SLC6A16: variants seen among roughly 807,000 people sequenced by gnomAD.
The protein encoded by SLC6A16 is orphan sodium- and chloride-dependent neurotransmitter transporter NTT5.
In SLC6A16, 54 loss-of-function variants were observed where a neutral mutation model predicts 65.4. That is an observed-to-expected ratio of 0.83 (90% confidence interval 0.66 to 1.04). The LOEUF is 1.04. SLC6A16 is among the 50% of genes least tolerant of loss of function. SLC6A16 has a pLI of 0.00. For synonymous variants in SLC6A16, 330 were observed against 346.5 expected, an observed-to-expected ratio of 0.95 and a Z score of 0.53; for missense variants, 816 against 914.0, an observed-to-expected ratio of 0.89 and a Z score of 1.38.
At chr19:49,332,024 C>A in the SLC6A16 span, 1 of 450,916 alleles carries the variant, frequency 2.2e-6, no homozygotes. Flanking sequence ...CACAGACTTA[C>A]TACTTAGAAC....
chr19:49,318,414 A>G (rs1329453244), intron 1 of SLC6A16, among the ~76,000 whole-genome samples: 1 of 152,214 alleles, frequency 6.6e-6, no homozygotes, highest in African/African-American at 2.4e-5. Context: ...TCTTCAAGTA[A>G]CTTAACTGCC....
chr19:49,310,213 A>C (rs1970488759), intron 3 of SLC6A16, 47 bp from the exon 4 acceptor site: 1 of 1,611,820 alleles, frequency 6.2e-7, no homozygotes, highest in Non-Finnish European at 8.5e-7. Flanking sequence ...CAGGGACAGG[A>C]AAAGGGAGGG....
upstream of SLC6A16, among the ~76,000 whole-genome samples, chr19:49,330,116 A>G (rs60470177): frequency 0.073 from 11,152 of 151,916 alleles, 1,372 homozygotes; most frequent in African/African-American, 0.25. Flanking sequence ...AGACCTCAAA[A>G]AAAAAAAAAA....
At chr19:49,306,326 G>A (rs1270537159) in intron 7 of SLC6A16, among the ~76,000 whole-genome samples, 1 of 151,576 alleles carries the variant, frequency 6.6e-6, no homozygotes, top group Non-Finnish European at 1.5e-5. Context: ...AAAGAGCACA[G>A]ATTAAAGTTA....
upstream of SLC6A16, among the ~76,000 whole-genome samples, chr19:49,328,649 G>A (rs981105877): frequency 1.8e-4 from 27 of 152,172 alleles, no homozygotes; most frequent in African/African-American, 6.5e-4. Flanking sequence ...TTTAAAATAC[G>A]TCTGCAAATT....
chr19:49,340,253 CG>C, the SLC6A16 span: 8 of 1,612,996 alleles, frequency 5.0e-6, no homozygotes, highest in Non-Finnish European at 6.8e-6. Flanking sequence ...CTCTATAGCT[CG>C]GGTTCATGAC....
intron 1 of SLC6A16, among the ~76,000 whole-genome samples, chr19:49,321,726 A>T (rs1970714159): frequency 6.6e-6 from 1 of 151,322 alleles, no homozygotes; most frequent in African/African-American, 2.5e-5. Context: ...ACAGAGCAAG[A>T]CTCCATCTCA....
chr19:49,336,111 TA>T, the SLC6A16 span: 2 of 396,384 alleles, frequency 5.0e-6, no homozygotes, highest in South Asian at 8.3e-5. Context: ...AGCAAGGACG[TA>T]AAAGAGCCAA....
the SLC6A16 span, among the ~76,000 whole-genome samples, chr19:49,333,238 C>T: frequency 1.6e-4 from 25 of 151,814 alleles, no homozygotes; most frequent in African/African-American, 5.1e-4. Flanking sequence ...TTGGGGAGGC[C>T]GAGGTGAGCG....
intron 5 of SLC6A16, 44 bp from the exon 6 acceptor site, chr19:49,309,455 G>A (rs1284631285): frequency 1.4e-6 from 2 of 1,477,998 alleles, no homozygotes; most frequent in Middle Eastern, 1.7e-4. Flanking sequence ...TACCAGTAGG[G>A]GTCAACCAAC....
chr19:49,321,593 A>G (rs535028977), intron 1 of SLC6A16, among the ~76,000 whole-genome samples: 2 of 152,234 alleles, frequency 1.3e-5, no homozygotes, highest in African/African-American at 2.4e-5. Flanking sequence ...AAAATTAGTC[A>G]GATGTGGTGG....
chr19:49,293,319 A>T lies in SLC6A16; in HGVS notation c.1682T>A (p.Phe561Tyr). The T allele has an allele frequency of 3.7e-6, 6 of 1,614,192 alleles. No homozygotes were observed. Among genetic ancestry groups the T allele is most frequent in the Non-Finnish European group, 4.2e-6 (5 of 1,180,028 alleles). ...LFFTRPSGSY[F>Y]IRLLSDYWIV... ...CCAGTAGTCACTCAGCAGTCTGATGAAGTAGCTGCCTGAAGGTCGAGTGAA... is the reference window on the plus strand; with the variant it reads ...CCAGTAGTCACTCAGCAGTCTGATGTAGTAGCTGCCTGAAGGTCGAGTGAA... Residue 561 changes from phenylalanine to tyrosine, a missense_variant, in exon 10 of 12, where the codon TTC becomes TAC. By Grantham distance (22) the Phe-to-Tyr change is conservative. Coordinates refer to ENST00000335875, the MANE Select transcript of SLC6A16 (RefSeq NM_014037.3).
chr19:49,326,770 G>C (rs760987268), upstream of SLC6A16, among the ~76,000 whole-genome samples: 8 of 152,180 alleles, frequency 5.3e-5, no homozygotes, highest in Middle Eastern at 3.2e-3. Flanking sequence ...TGTAATCCCA[G>C]CACTTTGGGA....
intron 7 of SLC6A16, among the ~76,000 whole-genome samples, chr19:49,296,233 C>T (rs1403228307): frequency 6.6e-6 from 1 of 152,050 alleles, no homozygotes; most frequent in Non-Finnish European, 1.5e-5. Context: ...GTGATCTGCC[C>T]GCCTCAGCCT....
In SLC6A16 at chr19:49,290,342, G is replaced by A. The variant is rs1568521956; in HGVS notation, c.1992C>T (p.Ile664=). The change falls in exon 12 of 12, where the codon ATC becomes ATT. Residue 664 remains isoleucine, a synonymous_variant. Coordinates refer to ENST00000335875, the MANE Select transcript of SLC6A16 (RefSeq NM_014037.3). ...GGAGGATGACAATGGCAAAAAGGGT[G>A]ATCATCAAGAGCAGTGCCCACGGTG... is the stretch of plus-strand genomic sequence containing the variant. ...PYPPWALLLM[I]TLFAIVILPI... is the part of the protein sequence containing the mutation. 1 of 1,613,914 alleles carries A rather than the reference G, an allele frequency of 6.2e-7. No homozygotes were observed. Among genetic ancestry groups the A allele is most frequent in the Non-Finnish European group, 8.5e-7 (1 of 1,180,000 alleles).
intron 7 of SLC6A16, among the ~76,000 whole-genome samples, chr19:49,303,833 G>A (rs1970333429): frequency 6.6e-6 from 1 of 152,090 alleles, no homozygotes; most frequent in Admixed American, 6.5e-5. Flanking sequence ...TCTGTCACTT[G>A]TTAAATTTTT....
At position 49,309,780 on chromosome 19, in the gene SLC6A16, C is replaced by G. The variant is rs781158695; in HGVS notation, c.747G>C (p.Gln249His). Reference protein sequence around the residue: ...RTTPSIYFWYQQALKASDRIE... With the variant: ...RTTPSIYFWYHQALKASDRIE... ...TTCTGTCTGAGGCCTTCAAGGCCTGCTGGTACCAGAAGTATATGGAGGGTG... is the reference window on the plus strand; with the variant it reads ...TTCTGTCTGAGGCCTTCAAGGCCTGGTGGTACCAGAAGTATATGGAGGGTG... The change falls in exon 5 of 12, where the codon CAG (glutamine) becomes CAC (histidine). Residue 249 changes from glutamine to histidine, a missense_variant. Physicochemically the swap from Gln to His is conservative, Grantham distance 24. Coordinates refer to ENST00000335875, the MANE Select transcript of SLC6A16 (RefSeq NM_014037.3). The G allele has an allele frequency of 6.2e-6, 10 of 1,614,026 alleles. No individual in the cohort carries two copies. The highest frequency in any genetic ancestry group is 8.5e-6 in the Non-Finnish European group (10 of 1,179,946).
At chr19:49,338,507 T>C in the SLC6A16 span, among the ~76,000 whole-genome samples, 4 of 151,820 alleles carry the variant, frequency 2.6e-5, no homozygotes, top group Non-Finnish European at 4.4e-5. This position sits in a 1 kb window ranked among gnomAD's most constrained non-coding sequence, Gnocchi z 5.0. Context: ...GTGACTCGTC[T>C]TTCCCAGCCC....
At chr19:49,318,030 G>A (rs1970644422) in intron 1 of SLC6A16, among the ~76,000 whole-genome samples, 1 of 152,138 alleles carries the variant, frequency 6.6e-6, no homozygotes, top group African/African-American at 2.4e-5. Context: ...GGAAGGCTTA[G>A]GTGACTAGAA....
Sources: gnomAD v4.1 joint callset for allele counts (sites outside exome capture counted in the v4.1 genomes callset) on GRCh38, gnomAD v4.1.1 for gene constraint, Gnocchi (gnomAD v3.1) non-coding constraint, MANE v1.5 for transcripts, NCBI Gene and HGNC (gene_info 2026-07-23, HGNC 2026-07-21) for gene names.